Variants in VPS35L observed in about 807,000 individuals in gnomAD.
VPS35L encodes VPS35 endosomal protein-sorting factor-like.
VPS35L carries 83 observed loss-of-function variants against 133.0 expected under a neutral mutation model. The observed-to-expected ratio is 0.62, with a 90% CI of 0.52 to 0.75. The LOEUF is 0.75. VPS35L is among the 30% of genes least tolerant of loss of function. The pLI, the probability that VPS35L is intolerant of heterozygous loss-of-function variation, is 0.00. For synonymous variants in VPS35L, 423 were observed against 449.9 expected (o/e 0.94, Z 0.76); for missense variants, 1,083 against 1,206.8 (o/e 0.90, Z 1.52).
intron 7 of VPS35L, among the ~76,000 whole-genome samples, chr16:19,586,496 C>A (rs1377684390): frequency 6.6e-6 from 1 of 152,068 alleles, no homozygotes; most frequent in Admixed American, 6.6e-5. Context: ...CCTGCTATCA[C>A]GCCCAGCTAA....
At chr16:19,687,920 C>G (rs1044557706) in intron 28 of VPS35L, among the ~76,000 whole-genome samples, 1 of 152,006 alleles carries the variant, frequency 6.6e-6, no homozygotes, top group Admixed American at 6.5e-5. Flanking sequence ...TGAGACCAGC[C>G]TGGCCAACAT....
intron 16 of VPS35L, among the ~76,000 whole-genome samples, chr16:19,628,176 G>A (rs1973329748): frequency 6.6e-6 from 1 of 152,062 alleles, no homozygotes; most frequent in East Asian, 1.9e-4. Context: ...ACCAGCCTGG[G>A]CAACACAGCA....
chr16:19,570,873 A>ATTTTTTT (rs1438392929), intron 3 of VPS35L, among the ~76,000 whole-genome samples: 1 of 56,868 alleles, frequency 1.8e-5, no homozygotes, highest in African/African-American at 1.3e-4. Context: ...ATATATATAT[A>ATTTTTTT]TATATATATA....
chr16:19,575,434 C>T (rs9673542), intron 5 of VPS35L, among the ~76,000 whole-genome samples: 16,277 of 147,106 alleles, frequency 0.11, 1,385 homozygotes, highest in African/African-American at 0.25. Context: ...GGCGTGGTGG[C>T]GCACGCCCGT....
intron 26 of VPS35L, among the ~76,000 whole-genome samples, chr16:19,657,061 G>A (rs1974329687): frequency 6.8e-6 from 1 of 147,308 alleles, no homozygotes; most frequent in African/African-American, 2.5e-5. Context: ...CGTCTCCCAA[G>A]TTCAAGTGAT....
At chr16:19,602,744 T>C (rs1282167584) in intron 9 of VPS35L, among the ~76,000 whole-genome samples, 1 of 151,972 alleles carries the variant, frequency 6.6e-6, no homozygotes, top group Non-Finnish European at 1.5e-5. Context: ...CTGGGACTAC[T>C]GGTGCCTGCC....
At chr16:19,669,354 T>G in intron 27 of VPS35L, 55 bp downstream of exon 27, 1 of 1,549,110 alleles carries the variant, frequency 6.5e-7, no homozygotes, top group Non-Finnish European at 8.8e-7. Flanking sequence ...TGCCTTATAA[T>G]ATTATATGTG....
At chr16:19,637,272 C>A (rs1157643758) in intron 19 of VPS35L, among the ~76,000 whole-genome samples, 1 of 152,122 alleles carries the variant, frequency 6.6e-6, no homozygotes. Context: ...TTCCACGAAC[C>A]ATTCCATTGA....
At chr16:19,615,994 A>G in intron 12 of VPS35L, 120 bp from the exon 13 acceptor site, 1 of 408,788 alleles carries the variant, frequency 2.4e-6, no homozygotes, top group South Asian at 9.5e-5. Flanking sequence ...AATAATAATA[A>G]TAATTTTCTG....
chr16:19,632,882 G>C (rs1002979343), intron 18 of VPS35L, among the ~76,000 whole-genome samples: 1 of 152,258 alleles, frequency 6.6e-6, no homozygotes, highest in Non-Finnish European at 1.5e-5. Context: ...TGAGAAGAGC[G>C]TTTAGTCCTG....
chr16:19,560,233 T>G (rs770057053), intron 1 of VPS35L, among the ~76,000 whole-genome samples: 2 of 152,152 alleles, frequency 1.3e-5, no homozygotes, highest in African/African-American at 2.4e-5. Flanking sequence ...GTACCTACCT[T>G]ATTGGGTTGA....
At chr16:19,694,205 C>T (rs1322483824) in intron 29 of VPS35L, 1 of 152,150 alleles carries the variant, frequency 6.6e-6, no homozygotes, top group Non-Finnish European at 1.5e-5. Flanking sequence ...CTCATAAATA[C>T]ACACAAATAT....
rs575035925 is a variant in VPS35L, at chr16:19,620,973, AT to A, written c.1224+4166del. On this transcript the variant is annotated intron_variant, in intron 14 of 30. Transcript: ENST00000417362. ...CTCAAAAAAGAATAAATTAAAAAAA[AT>A]AAATAATTAAAAATTAAACAGAAAA... 8.3e-4 allele frequency among the ~76,000 whole-genome samples: 127 copies of A among 152,300 alleles called. 1 individual carries two copies. The highest frequency in any genetic ancestry group is 2.7e-3 in the Admixed American group (42 of 15,300).
chr16:19,568,911 G>A (rs12597516), intron 2 of VPS35L, among the ~76,000 whole-genome samples: 18,893 of 152,116 alleles, frequency 0.12, 1,306 homozygotes, highest in Middle Eastern at 0.18. Flanking sequence ...ACCACAAAGT[G>A]TTGGGATACA....
chr16:19,585,935 T>G (rs967004482), intron 7 of VPS35L, among the ~76,000 whole-genome samples: 3 of 152,112 alleles, frequency 2.0e-5, no homozygotes, highest in Non-Finnish European at 2.9e-5. Flanking sequence ...TCTTGCTCTA[T>G]GACTCCAGAT....
At chr16:19,670,506 GTACTCACAATGTCAGAACCATGCCTC>G (rs1453633172) in intron 27 of VPS35L, among the ~76,000 whole-genome samples, 2 of 152,222 alleles carry the variant, frequency 1.3e-5, no homozygotes, top group Admixed American at 6.5e-5. Flanking sequence ...AAGTTAGTGA[GTACTCACAATGTCAGAACCATGCCTC>G]TGCACATAGT....
At chr16:19,696,865 C>T (rs1597448844) in intron 29 of VPS35L, among the ~76,000 whole-genome samples, 1 of 152,128 alleles carries the variant, frequency 6.6e-6, no homozygotes, top group East Asian at 1.9e-4. Context: ...AGTCAAAGGG[C>T]CTCTCTCCAA....
intron 21 of VPS35L, among the ~76,000 whole-genome samples, chr16:19,641,160 G>A (rs1353382598): frequency 1.3e-5 from 2 of 152,094 alleles, no homozygotes; most frequent in Non-Finnish European, 2.9e-5. Flanking sequence ...CACCTCCTGG[G>A]TTCAAGCAAT....
chr16:19,585,198 C>CAA (rs774494741), intron 7 of VPS35L, among the ~76,000 whole-genome samples: 18 of 152,010 alleles, frequency 1.2e-4, no homozygotes, highest in Non-Finnish European at 2.4e-4. Flanking sequence ...CATTTGCGTA[C>CAA]AATTATTTGC....
Sources: gnomAD v4.1 joint callset for allele counts (sites outside exome capture counted in the v4.1 genomes callset) on GRCh38, gnomAD v4.1.1 for gene constraint, MANE v1.5 for transcripts, NCBI Gene and HGNC (gene_info 2026-07-23, HGNC 2026-07-21) for gene names.